Variants in NBAS observed in about 807,000 individuals in gnomAD.
NBAS encodes NAG/BC035112 fusion.
A neutral mutation model predicts 302.5 loss-of-function variants in NBAS; 219 were observed. The ratio of observed to expected loss-of-function variants is 0.72; its 90% CI spans 0.65 to 0.81. NBAS has a LOEUF of 0.81. Ranked by LOEUF, NBAS falls within the 30% of genes least tolerant of loss-of-function variation. The pLI is 0.00. For missense variants in NBAS, 2,932 were observed against 2,841.6 expected (o/e 1.03, Z -0.72); for synonymous variants, 1,118 against 1,021.6 (o/e 1.09, Z -1.80).
the NBAS span, among the ~76,000 whole-genome samples, chr2:14,957,354 G>A: frequency 2.3e-3 from 345 of 151,806 alleles, no homozygotes; most frequent in African/African-American, 7.9e-3. Context: ...TAATTTTTTC[G>A]TGACAAGGTA....
At chr2:14,957,664 C>T in the NBAS span, among the ~76,000 whole-genome samples, 11 of 152,166 alleles carry the variant, frequency 7.2e-5, no homozygotes, top group Admixed American at 6.5e-4. Flanking sequence ...TGGCCTCCTC[C>T]TTGGTCCCTC....
At position 15,474,003 on chromosome 2, in the gene NBAS, T is replaced by C. The variant is rs1030034247; in HGVS notation, c.1599+64A>G. The C allele has an allele frequency of 5.6e-6, 9 of 1,599,308 alleles. No individual in the cohort carries two copies. In the African/African-American group the frequency reaches 1.2e-4, roughly 21 times the overall value. ...TTTTCTCCTTTATTAAAAAATTAAC[T>C]TTTTCTCAATAAAAGAAAAGCTTGA... On this transcript the variant is annotated intron_variant, in intron 15 of 51. Coordinates refer to ENST00000281513, the MANE Select transcript of NBAS (RefSeq NM_015909.4).
chr2:14,830,589 T>C, the NBAS span, among the ~76,000 whole-genome samples: 1 of 152,202 alleles, frequency 6.6e-6, no homozygotes, highest in African/African-American at 2.4e-5. Context: ...TGCGAACGAC[T>C]GTCCTAAACT....
Position 15,417,569 on chromosome 2 carries a change from C to T in NBAS, c.2721G>A (p.Gln907=). 6.2e-7 allele frequency: 1 copy of T among 1,613,916 alleles called. No individual in the cohort carries two copies. The highest frequency in any genetic ancestry group is 1.7e-5 in the Admixed American group (1 of 60,004). Residue 907 remains glutamine, a synonymous_variant, in exon 24 of 52, where the codon CAG becomes CAA. Transcript: ENST00000281513. ...CDVTLTLKEL[Q]QMKDIEKLRL... ...TTAGTTTTTCAATGTCTTTCATCTG[C>T]TGGAGTTCTTTCAGGGTTAGAGTTA...
chr2:15,482,373 C>T (rs1006192262), intron 12 of NBAS, among the ~76,000 whole-genome samples: 2 of 152,148 alleles, frequency 1.3e-5, no homozygotes, highest in African/African-American at 2.4e-5. Context: ...CCACCTAGGG[C>T]TCCCAAAGTG....
chr2:15,187,093 G>A (rs554128416), intron 49 of NBAS, among the ~76,000 whole-genome samples: 2 of 152,230 alleles, frequency 1.3e-5, no homozygotes, highest in Admixed American at 1.3e-4. Context: ...CACGGAGGTA[G>A]TAAGTGCATT....
chr2:15,179,317 C>G, intron 50 of NBAS: 1 of 679,500 alleles, frequency 1.5e-6, no homozygotes, highest in Non-Finnish European at 2.5e-6. Context: ...GTACAGATTT[C>G]CAAGCTATCA....
the NBAS span, among the ~76,000 whole-genome samples, chr2:15,005,181 G>T: frequency 6.6e-6 from 1 of 152,148 alleles, no homozygotes; most frequent in African/African-American, 2.4e-5. Flanking sequence ...TTAAATGCGC[G>T]CATGGGTATT....
the NBAS span, among the ~76,000 whole-genome samples, chr2:15,018,079 T>C: frequency 6.6e-6 from 1 of 151,864 alleles, no homozygotes; most frequent in African/African-American, 2.4e-5. Context: ...ATGTAGAAAC[T>C]TAAAAAAAGT....
chr2:15,031,100 C>T, the NBAS span, among the ~76,000 whole-genome samples: 1 of 152,202 alleles, frequency 6.6e-6, no homozygotes, highest in Non-Finnish European at 1.5e-5. Flanking sequence ...AGTGTTTTTA[C>T]AGAATGTATA....
the NBAS span, among the ~76,000 whole-genome samples, chr2:15,082,008 C>A: frequency 6.6e-6 from 1 of 152,156 alleles, no homozygotes; most frequent in Non-Finnish European, 1.5e-5. Context: ...ATAATGATAT[C>A]TATCTACCAG....
At chr2:15,458,502 G>A (rs1679349917) in intron 21 of NBAS, among the ~76,000 whole-genome samples, 1 of 152,042 alleles carries the variant, frequency 6.6e-6, no homozygotes, top group Non-Finnish European at 1.5e-5. Context: ...AAGAGTCTGG[G>A]ACCTCCCCCT....
intron 42 of NBAS, among the ~76,000 whole-genome samples, chr2:15,278,161 A>C (rs1347170451): frequency 6.6e-6 from 1 of 152,176 alleles, no homozygotes; most frequent in Non-Finnish European, 1.5e-5. Context: ...AGTTAGTATA[A>C]ATCATGTTTT....
At chr2:14,784,820 A>G in the NBAS span, among the ~76,000 whole-genome samples, 1 of 152,140 alleles carries the variant, frequency 6.6e-6, no homozygotes, top group Non-Finnish European at 1.5e-5. Context: ...TTGGTTCCAT[A>G]TGAACTTTAA....
At chr2:15,132,726 T>C in the NBAS span, among the ~76,000 whole-genome samples, 1 of 152,090 alleles carries the variant, frequency 6.6e-6, no homozygotes, top group South Asian at 2.1e-4. Flanking sequence ...AATTTTTCTG[T>C]GAACCTAAAA....
At chr2:14,932,203 T>C in the NBAS span, among the ~76,000 whole-genome samples, 2 of 152,170 alleles carry the variant, frequency 1.3e-5, no homozygotes, top group South Asian at 4.2e-4. Flanking sequence ...CATGAATTCA[T>C]TGCCAGGAGC....
chr2:15,141,429 T>C, the NBAS span, among the ~76,000 whole-genome samples: 1 of 152,226 alleles, frequency 6.6e-6, no homozygotes, highest in Admixed American at 6.5e-5. Context: ...TTCGTGGTCT[T>C]ATCCAGGATG....
the NBAS span, among the ~76,000 whole-genome samples, chr2:14,972,494 C>A: frequency 1.3e-5 from 2 of 152,138 alleles, no homozygotes; most frequent in African/African-American, 4.8e-5. Context: ...TTAAAGCAGG[C>A]AGATCATACA....
the NBAS span, among the ~76,000 whole-genome samples, chr2:15,072,335 T>C: frequency 2.6e-4 from 40 of 152,362 alleles, 1 homozygote; most frequent in African/African-American, 9.1e-4. Flanking sequence ...TTCAGGTCTT[T>C]TGCTCATTAC....
Sources: gnomAD v4.1 joint callset for allele counts (sites outside exome capture counted in the v4.1 genomes callset) on GRCh38, gnomAD v4.1.1 for gene constraint, MANE v1.5 for transcripts, NCBI Gene and HGNC (gene_info 2026-07-23, HGNC 2026-07-21) for gene names.